COL27A1: variants seen among roughly 807,000 people sequenced by gnomAD.
COL27A1 encodes the protein collagen type XXVII alpha 1 chain.
Under a neutral mutation model 251.3 loss-of-function variants are expected in COL27A1, and 106 were observed. That is an observed-to-expected ratio of 0.42 (90% CI 0.36 to 0.50). The LOEUF (loss-of-function observed/expected upper bound fraction) is 0.50, where lower values mean the gene tolerates loss of function less well. COL27A1 is among the 20% of genes least tolerant of loss of function. The pLI is 0.00. For missense variants in COL27A1, 2,325 were observed against 2,522.8 expected (o/e 0.92, Z 1.68); for synonymous variants, 1,000 against 986.3 (o/e 1.01, Z -0.26).
intron 21 of COL27A1, among the ~76,000 whole-genome samples, chr9:114,240,699 A>C (rs927849900): frequency 6.6e-6 from 1 of 152,184 alleles, no homozygotes; most frequent in Non-Finnish European, 1.5e-5. Flanking sequence ...GTCACCTGGC[A>C]GGGTGGCTTC....
chr9:114,257,777 G>A (rs1351971022), intron 27 of COL27A1, among the ~76,000 whole-genome samples: 1 of 152,074 alleles, frequency 6.6e-6, no homozygotes, highest in East Asian at 1.9e-4. Context: ...CTTTTCCCTG[G>A]GAGAAAATAT....
chr9:114,298,789 C>A (rs1317102069), intron 49 of COL27A1, among the ~76,000 whole-genome samples: 4 of 152,252 alleles, frequency 2.6e-5, no homozygotes, highest in East Asian at 1.9e-4. Flanking sequence ...GATTGGACTT[C>A]ATCAAAATCA....
intron 16 of COL27A1, among the ~76,000 whole-genome samples, chr9:114,232,536 C>G (rs1832038667): frequency 6.6e-6 from 1 of 152,226 alleles, no homozygotes; most frequent in Middle Eastern, 3.2e-3. Context: ...CAGACCTTGG[C>G]AAACCAGGAC....
chr9:114,160,289 G>A (rs1848408311), intron 1 of COL27A1, among the ~76,000 whole-genome samples: 1 of 151,956 alleles, frequency 6.6e-6, no homozygotes, highest in Non-Finnish European at 1.5e-5. Flanking sequence ...CAGGTAGCTG[G>A]GACTACAGGC....
intron 37 of COL27A1, 130 bp downstream of exon 37, chr9:114,275,898 A>G: frequency 1.6e-6 from 1 of 614,106 alleles, no homozygotes. Context: ...TCCTTTCTCC[A>G]CCTGGCAGTT....
At chr9:114,243,316 C>T (rs80260553) in intron 22 of COL27A1, among the ~76,000 whole-genome samples, 191 bp from the exon 23 acceptor site, 2,182 of 152,314 alleles carry the variant, frequency 0.014, 47 homozygotes, top group African/African-American at 0.049. Context: ...CCTGAGTTCA[C>T]GCAGCTGGAA....
intron 10 of COL27A1, among the ~76,000 whole-genome samples, chr9:114,206,562 C>T (rs932144137): frequency 1.3e-5 from 2 of 152,214 alleles, no homozygotes; most frequent in African/African-American, 4.8e-5. Flanking sequence ...AACAGCTAGG[C>T]ATTTGTTTGC....
At chr9:114,228,670 A>C (rs757779425) in intron 14 of COL27A1, among the ~76,000 whole-genome samples, 6 of 152,218 alleles carry the variant, frequency 3.9e-5, no homozygotes, top group Non-Finnish European at 8.8e-5. Flanking sequence ...ACTGATCTTC[A>C]TGGGCTGTGG....
At chr9:114,182,150 G>A (rs1827967006) in intron 4 of COL27A1, among the ~76,000 whole-genome samples, 1 of 149,918 alleles carries the variant, frequency 6.7e-6, no homozygotes, top group South Asian at 2.1e-4. Context: ...ACCAGCCTGG[G>A]CAGCATAGCA....
intron 48 of COL27A1, among the ~76,000 whole-genome samples, chr9:114,291,410 C>T (rs534284869): frequency 3.3e-5 from 5 of 152,166 alleles, no homozygotes; most frequent in African/African-American, 9.6e-5. Context: ...ACACAGGAGG[C>T]GGAGGGAGCG....
At chr9:114,177,036 A>C (rs1190691500) in intron 3 of COL27A1, among the ~76,000 whole-genome samples, 2 of 152,224 alleles carry the variant, frequency 1.3e-5, no homozygotes, top group Non-Finnish European at 2.9e-5. Context: ...CACATCCTCG[A>C]AAGCCTGGCT....
In COL27A1 at chr9:114,235,661, A is replaced by G. The variant is rs752166864; in HGVS notation, c.2619+9A>G. The G allele has an allele frequency of 1.9e-6, 3 of 1,610,616 alleles. No individual in the cohort carries two copies. Among genetic ancestry groups the G allele is most frequent in the Admixed American group, 1.7e-5 (1 of 59,988 alleles). Reference sequence around the variant, plus strand: ...GATTCCAAGGAGACAAGGTAATTGCATGAGATTTTCCCCTCCCCCTGCCCC... The same window carrying G: ...GATTCCAAGGAGACAAGGTAATTGCGTGAGATTTTCCCCTCCCCCTGCCCC... On this transcript the variant is annotated intron_variant, in intron 17 of 60. Transcript: ENST00000356083.
intron 7 of COL27A1, among the ~76,000 whole-genome samples, chr9:114,200,770 T>G (rs1029098321): frequency 3.3e-5 from 5 of 152,212 alleles, no homozygotes; most frequent in Non-Finnish European, 7.3e-5. Flanking sequence ...TGTTTCTCAC[T>G]CTTTGATTCT....
intron 36 of COL27A1, 139 bp from the exon 37 acceptor site, chr9:114,275,522 C>T: frequency 1.7e-6 from 1 of 590,934 alleles, no homozygotes; most frequent in South Asian, 2.2e-5. Flanking sequence ...GCCTTTTTGG[C>T]TGCAGAGGGA....
In COL27A1 at chr9:114,290,030, C is replaced by G; in HGVS notation, c.4207-28C>G. ...GGGTCCCACACCTCTACCAGGCAGC[C>G]TCCATCATGTGGCCCTTGATTTTTC... On this transcript the variant is annotated intron_variant, in intron 45 of 60. Transcript: ENST00000356083. The surrounding 1 kb of genome is among the most constrained non-coding windows in gnomAD (Gnocchi z 4.6). The G allele has an allele frequency of 6.2e-7, 1 of 1,611,438 alleles. No individual in the cohort carries two copies. Among genetic ancestry groups the G allele is most frequent in the Non-Finnish European group, 8.5e-7 (1 of 1,179,852 alleles).
chr9:114,287,390 C>T (rs553032384), intron 41 of COL27A1, among the ~76,000 whole-genome samples: 14 of 152,244 alleles, frequency 9.2e-5, no homozygotes, highest in Non-Finnish European at 1.9e-4. Context: ...TGCCATTTGC[C>T]GTTCCGCTTA....
At chr9:114,289,845 G>A (rs1340754656) in intron 45 of COL27A1, among the ~76,000 whole-genome samples, 14 of 152,250 alleles carry the variant, frequency 9.2e-5, no homozygotes, top group African/African-American at 3.4e-4. Flanking sequence ...TGCCAGTGAG[G>A]GGACACCAAG....
At chr9:114,283,816 A>G in intron 40 of COL27A1, 54 bp downstream of exon 40, 1 of 1,567,558 alleles carries the variant, frequency 6.4e-7, no homozygotes, top group Non-Finnish European at 8.8e-7. Context: ...AGGCCTGGAA[A>G]CACAGGCCCA....
intron 48 of COL27A1, among the ~76,000 whole-genome samples, chr9:114,291,710 C>T (rs1827930255): frequency 6.6e-6 from 1 of 152,178 alleles, no homozygotes; most frequent in South Asian, 2.1e-4. Flanking sequence ...GATCGCACCA[C>T]TGCACTCCAG....
Sources: allele counts gnomAD v4.1 joint callset (sites outside exome capture counted in the v4.1 genomes callset), GRCh38; gene constraint gnomAD v4.1.1; non-coding constraint Gnocchi (gnomAD v3.1); transcripts MANE v1.5; gene names NCBI Gene and HGNC (gene_info 2026-07-23, HGNC 2026-07-21).